DST: variants seen among roughly 807,000 people sequenced by gnomAD.
DST encodes bullous pemphigoid antigen.
Under a neutral mutation model 875.2 loss-of-function variants are expected in DST, and 253 were observed. That is an observed-to-expected ratio of 0.29 (90% CI 0.26 to 0.32). The LOEUF (loss-of-function observed/expected upper bound fraction) is 0.32, where lower values mean the gene tolerates loss of function less well. DST is among the 10% of genes least tolerant of loss of function. The pLI is 1.00. For synonymous variants in DST, 3,124 were observed against 3,197.1 expected, an observed-to-expected ratio of 0.98 and a Z score of 0.77; for missense variants, 8,287 against 9,111.6, an observed-to-expected ratio of 0.91 and a Z score of 3.68.
intron 4 of DST, among the ~76,000 whole-genome samples, chr6:56,799,907 G>A (rs1236556088): frequency 6.6e-6 from 1 of 152,150 alleles, no homozygotes; most frequent in Non-Finnish European, 1.5e-5. Context: ...TTACAGGCAT[G>A]AGCCACCACG....
At chr6:56,946,082 T>G (rs1169632340) in intron 2 of DST, among the ~76,000 whole-genome samples, 2 of 152,156 alleles carry the variant, frequency 1.3e-5, no homozygotes, top group Admixed American at 6.5e-5. Context: ...TGTTTTCTTC[T>G]TTTAAGTAGG....
chr6:56,938,273 A>G (rs570618504), intron 2 of DST, among the ~76,000 whole-genome samples: 1 of 152,156 alleles, frequency 6.6e-6, no homozygotes, highest in East Asian at 1.9e-4. Context: ...TAACTGGGAC[A>G]ACAGGTGCAT....
rs2098662506 is a variant in DST at position 56,619,252 on chromosome 6, C to T, written c.4930-4768G>A. 2 of 1,612,872 alleles carry T rather than the reference C, an allele frequency of 1.2e-6. No individual in the cohort carries two copies. The highest frequency in any genetic ancestry group is 8.5e-7 in the Non-Finnish European group (1 of 1,179,828). On this transcript the variant is annotated intron_variant, in intron 36 of 103. Coordinates refer to ENST00000680361, the MANE Select transcript of DST (RefSeq NM_001374736.1). ...CTAAAACTATATTCTCTGATTCTGCCTGAATTCTCTGCATCATTAATTTGG... is the reference window on the plus strand; with the variant it reads ...CTAAAACTATATTCTCTGATTCTGCTTGAATTCTCTGCATCATTAATTTGG...
At position 56,701,908 on chromosome 6, in the gene DST, C is replaced by T; in HGVS notation, c.934G>A (p.Asp312Asn). The T allele has an allele frequency of 6.2e-7, 1 of 1,609,982 alleles. No individual in the cohort carries two copies. Among genetic ancestry groups the T allele is most frequent in the Non-Finnish European group, 8.5e-7 (1 of 1,177,160 alleles). ...CATACCTGGCGTCTTTTCAAATAGT[C>T]AAGTGCAATTTGTACATTCTGTAGT... ...HRLQNVQIAL[D>N]YLKRRQVKLV... The change falls in exon 8 of 104, where the codon GAC (aspartate) becomes AAC (asparagine). Residue 312 changes from aspartate (D) to asparagine (N), a missense_variant. This residue lies in a region of DST where 1,160 missense variants were observed against 1,424.3 expected (regional missense o/e 0.81). Transcript: ENST00000680361.
At chr6:56,691,332 G>A (rs1356637731) in intron 9 of DST, among the ~76,000 whole-genome samples, 1 of 152,060 alleles carries the variant, frequency 6.6e-6, no homozygotes, top group Admixed American at 6.6e-5. Context: ...AATATAAACA[G>A]AACTGATGGC....
At chr6:56,887,968 T>C (rs1204504394) in intron 3 of DST, among the ~76,000 whole-genome samples, 1 of 151,802 alleles carries the variant, frequency 6.6e-6, no homozygotes, top group Non-Finnish European at 1.5e-5. Flanking sequence ...TTTTTTTTTT[T>C]TGAGATGGAG....
chr6:56,661,973 T>C (rs1248220130), intron 10 of DST, among the ~76,000 whole-genome samples: 1 of 152,172 alleles, frequency 6.6e-6, no homozygotes, highest in African/African-American at 2.4e-5. Flanking sequence ...AATACATGCA[T>C]GCTTAGACTA....
intron 1 of DST, 110 bp from the exon 2 acceptor site, chr6:56,953,929 C>T: frequency 1.5e-6 from 1 of 667,100 alleles, no homozygotes; most frequent in South Asian, 1.7e-5. Context: ...ATCGCAGACT[C>T]CTGGAATTCG....
chr6:56,945,916 T>C (rs186931207), intron 2 of DST: 2 of 152,086 alleles, frequency 1.3e-5, no homozygotes, highest in Admixed American at 6.5e-5. Flanking sequence ...TAGGGAATAA[T>C]TGCTAATGGG....
At chr6:56,612,756 A>C (rs1374826604) in intron 37 of DST, among the ~76,000 whole-genome samples, 1 of 152,252 alleles carries the variant, frequency 6.6e-6, no homozygotes, top group Non-Finnish European at 1.5e-5. Context: ...AGCTGTTCTT[A>C]GACAGTTATA....
chr6:56,828,845 C>T (rs1264180549), intron 4 of DST, among the ~76,000 whole-genome samples: 1 of 152,088 alleles, frequency 6.6e-6, no homozygotes, highest in Non-Finnish European at 1.5e-5. Flanking sequence ...TTCTATAGTT[C>T]TGTACCCTAT....
intron 49 of DST, among the ~76,000 whole-genome samples, chr6:56,582,402 C>CCT (rs143544525): frequency 3.3e-5 from 5 of 150,358 alleles, no homozygotes; most frequent in African/African-American, 7.3e-5. Context: ...CACCTCTCTC[C>CCT]CTCTCTCTCT....
At chr6:56,535,408 T>C in intron 62 of DST, 116 bp from the exon 63 acceptor site, 1 of 1,256,734 alleles carries the variant, frequency 8.0e-7, no homozygotes, top group South Asian at 1.7e-5. Flanking sequence ...TTTCTTTTAC[T>C]TTTCACTTAA....
chr6:56,896,129 G>A lies in DST; in HGVS notation c.417+4292C>T, dbSNP rs185195633. Among the ~76,000 whole-genome samples, 66 of 69,238 alleles carry A rather than the reference G, an allele frequency of 9.5e-4. 8 individuals are homozygous for A. Among genetic ancestry groups the A allele is most frequent in the Middle Eastern group, 0.014 (2 of 140 alleles). The allele number at this position is 69,238 out of a possible 152,430, so 45.4% of individuals were successfully genotyped here. A position where few individuals can be genotyped will look rare whatever the true frequency, so the allele number is the denominator to read the frequency against. On this transcript the variant is annotated intron_variant, in intron 3 of 103. Coordinates refer to ENST00000680361, the MANE Select transcript of DST (RefSeq NM_001374736.1). ...GGGAGAGGGAGAGGGAGACGGGAGA[G>A]GGAGAGGGAGACGGGAGAGCCTACT...
At chr6:56,912,918 C>T (rs1799381206) in intron 2 of DST, among the ~76,000 whole-genome samples, 1 of 152,186 alleles carries the variant, frequency 6.6e-6, no homozygotes, top group Non-Finnish European at 1.5e-5. Flanking sequence ...AATAAGAGAA[C>T]ACAGACATTG....
At position 56,791,502 on chromosome 6, in the gene DST, C is replaced by T. The variant is rs541937908; in HGVS notation, c.626-56213G>A. The stretch of plus-strand genomic sequence containing the variant: ...AAATGTATGATTTAAAAATTAGCTA[C>T]CCAGCCAGGTGCAGTGGTTCATACC... On this transcript the variant is annotated intron_variant, in intron 4 of 103. Coordinates refer to ENST00000680361, the MANE Select transcript of DST (RefSeq NM_001374736.1). Among the ~76,000 whole-genome samples, 90 of 152,184 alleles carry T rather than the reference C, an allele frequency of 5.9e-4. No homozygotes were observed. The Middle Eastern group carries it at 0.014, about 23-fold the overall frequency.
intron 56 of DST, 93 bp downstream of exon 56, chr6:56,562,045 T>C: frequency 1.4e-6 from 1 of 705,704 alleles, no homozygotes; most frequent in South Asian, 2.5e-5. Flanking sequence ...AGGCTTGAAA[T>C]TTCAATATAA....
intron 49 of DST, among the ~76,000 whole-genome samples, chr6:56,584,811 T>C (rs1476902377): frequency 7.2e-5 from 11 of 152,312 alleles, no homozygotes; most frequent in Admixed American, 4.6e-4. Context: ...GAAGGGTTGT[T>C]GAATTTTGTC....
At chr6:56,619,882 C>CT in intron 36 of DST, 2 of 1,614,106 alleles carry the variant, frequency 1.2e-6, no homozygotes, top group South Asian at 2.2e-5. Context: ...CATATGTCAG[C>CT]TCTCTCATGT....
Sources: allele counts gnomAD v4.1 joint callset (sites outside exome capture counted in the v4.1 genomes callset), GRCh38; gene constraint gnomAD v4.1.1; regional missense constraint gnomAD v4.1.1; transcripts MANE v1.5; gene names NCBI Gene and HGNC (gene_info 2026-07-23, HGNC 2026-07-21).